The following SLC41A3 variants were observed in gnomAD, a reference collection of about 807,000 sequenced individuals.
The protein encoded by SLC41A3 is SLC41A1-like 2.
Under a neutral mutation model 45.4 loss-of-function variants are expected in SLC41A3, and 44 were observed. The ratio of observed to expected loss-of-function variants is 0.97; its 90% CI spans 0.76 to 1.25. The LOEUF is 1.25. Ranked by LOEUF, SLC41A3 falls within the 50% of genes most tolerant of loss-of-function variation. The pLI, the probability that SLC41A3 is intolerant of heterozygous loss-of-function variation, is 0.00. For missense variants in SLC41A3, 550 were observed against 600.6 expected, an observed-to-expected ratio of 0.92 and a Z score of 0.88; for synonymous variants, 256 against 252.4, an observed-to-expected ratio of 1.01 and a Z score of -0.13.
rs149274116 is a variant in SLC41A3 at position 126,070,568 on chromosome 3, G to A, written c.-27-2322C>T. Among the ~76,000 whole-genome samples, 13 of 152,308 alleles carry A rather than the reference G, an allele frequency of 8.5e-5. No individual in the cohort carries two copies. The East Asian group carries it at 2.5e-3, about 29-fold the overall frequency. ...AACAGCTCATTTTTCATCAGAAATA[G>A]AAGCCAGAAGGCAACAGGATGGCAT... On this transcript the variant is annotated intron_variant, in intron 1 of 10. Transcript: ENST00000360370.
At chr3:126,038,235 CCACA>C (rs1215298846) in intron 3 of SLC41A3, among the ~76,000 whole-genome samples, 5 of 152,224 alleles carry the variant, frequency 3.3e-5, no homozygotes, top group Non-Finnish European at 7.3e-5. Flanking sequence ...GGGTTAGAGG[CCACA>C]CAAAGCCCCC....
In SLC41A3 at chr3:126,073,654, T is replaced by G. The variant is rs1237534986; in HGVS notation, c.-27-5408A>C. ...TGTACAAATTCCTAGAAACACAAAC[T>G]AGTAATACTGACTCGTGAAGAAATA... On this transcript the variant is annotated intron_variant, in intron 1 of 10. Transcript: ENST00000360370. Among the ~76,000 whole-genome samples the G allele has an allele frequency of 3.3e-5, 5 of 152,102 alleles. No individual in the cohort carries two copies. The East Asian group carries it at 9.7e-4, about 29-fold the overall frequency.
At chr3:126,016,930 G>T in intron 6 of SLC41A3, 55 bp from the exon 7 acceptor site, 1 of 1,590,366 alleles carries the variant, frequency 6.3e-7, no homozygotes. Flanking sequence ...AGCACACACA[G>T]GCTGGGCCTG....
intron 1 of SLC41A3, among the ~76,000 whole-genome samples, chr3:126,083,017 G>A (rs1237262386): frequency 6.6e-6 from 1 of 152,336 alleles, no homozygotes; most frequent in South Asian, 2.1e-4. Context: ...TAAACTTTCT[G>A]TACCTCTGTT....
chr3:126,080,528 T>A (rs1240463801), intron 1 of SLC41A3, among the ~76,000 whole-genome samples: 1 of 152,216 alleles, frequency 6.6e-6, no homozygotes, highest in Non-Finnish European at 1.5e-5. Context: ...CCATTTTAAA[T>A]GGCTTTTATA....
chr3:126,082,542 C>T (rs111891095), intron 1 of SLC41A3, among the ~76,000 whole-genome samples: 157 of 152,336 alleles, frequency 1.0e-3, no homozygotes, highest in African/African-American at 3.6e-3. Flanking sequence ...CACCTGGGGC[C>T]ACAGTTCAGA....
chr3:126,068,204 T>A lies in SLC41A3; in HGVS notation c.16A>T (p.Thr6Ser). The A allele has an allele frequency of 1.3e-6, 2 of 1,545,972 alleles. No individual in the cohort carries two copies. Among genetic ancestry groups the A allele is most frequent in the South Asian group, 2.5e-5 (2 of 79,920 alleles). ...CAGCTGTCCAGCCTCCGCTGCCGGG[T>A]CTCTGTCCCATCCATCTGGGCACAG... is the stretch of plus-strand genomic sequence containing the variant. MDGTETRQRRLDSCGK... is the reference protein window; with the variant it reads MDGTESRQRRLDSCGK... Residue 6 changes from threonine (T) to serine (S), a missense_variant, in exon 2 of 11, where the codon ACC becomes TCC. Thr to Ser is a moderately conservative substitution (Grantham distance 58). Transcript: ENST00000360370.
At chr3:126,094,681 T>C (rs575844653) in intron 1 of SLC41A3, among the ~76,000 whole-genome samples, 3 of 152,372 alleles carry the variant, frequency 2.0e-5, no homozygotes, top group Admixed American at 2.0e-4. Flanking sequence ...TTATAATTCC[T>C]GCAGTAAACA....
chr3:126,048,690 G>A (rs949537707), intron 3 of SLC41A3, among the ~76,000 whole-genome samples: 8 of 152,058 alleles, frequency 5.3e-5, no homozygotes, highest in Non-Finnish European at 8.8e-5. Flanking sequence ...AGTCACATAC[G>A]GGAGTTGAAG....
chr3:126,063,904 C>G (rs764985582), intron 2 of SLC41A3, among the ~76,000 whole-genome samples: 5 of 145,708 alleles, frequency 3.4e-5, no homozygotes, highest in Non-Finnish European at 7.4e-5. Flanking sequence ...AGGTGACCTC[C>G]ACTGGGTGTC....
At position 126,027,702 on chromosome 3, in the gene SLC41A3, G is replaced by A. The variant is rs532653674; in HGVS notation, c.454-1223C>T. Among the ~76,000 whole-genome samples, 20 of 152,304 alleles carry A rather than the reference G, an allele frequency of 1.3e-4. 1 individual carries two copies. In the South Asian group the frequency reaches 3.1e-3, roughly 24 times the overall value. ...AGACAGGAAGATAAGGGAATGTTTG[G>A]AACTTCCTCAAGACTTGTTAAATGT... On this transcript the variant is annotated intron_variant, in intron 4 of 10. Coordinates refer to ENST00000360370, the MANE Select transcript of SLC41A3 (RefSeq NM_017836.4).
chr3:126,099,061 CTGGCCAAATTTTA>C (rs577778373), intron 1 of SLC41A3, among the ~76,000 whole-genome samples: 1 of 151,836 alleles, frequency 6.6e-6, no homozygotes, highest in Non-Finnish European at 1.5e-5. Flanking sequence ...GCCACTGTGC[CTGGCCAAATTTTA>C]TGTTAAGTAT....
At chr3:126,084,232 C>T (rs1369055542), upstream of SLC41A3, 7 of 152,126 alleles carry the variant, frequency 4.6e-5, no homozygotes, top group East Asian at 1.4e-3. Context: ...CGACTTGGCG[C>T]TCCGGGACAG....
rs975649952 is a variant in SLC41A3 at position 126,042,769 on chromosome 3, C to A, written c.381+8174G>T. 3.3e-5 allele frequency among the ~76,000 whole-genome samples: 5 copies of A among 152,114 alleles called. No homozygotes were observed. The South Asian group carries it at 8.3e-4, about 25-fold the overall frequency. ...AACACAATAATTGAATTGAAAAATTCTTTACAGAGGTTCAACAGCAAACTC... is the reference window on the plus strand; with the variant it reads ...AACACAATAATTGAATTGAAAAATTATTTACAGAGGTTCAACAGCAAACTC... On this transcript the variant is annotated intron_variant, in intron 3 of 10. Transcript: ENST00000360370.
intron 3 of SLC41A3, among the ~76,000 whole-genome samples, chr3:126,049,959 C>G (rs189210985): frequency 6.6e-6 from 1 of 152,304 alleles, no homozygotes; most frequent in East Asian, 1.9e-4. Context: ...CTCTCTTATG[C>G]TGCTTCCACT....
chr3:126,093,143 T>C (rs1576388521), intron 1 of SLC41A3, among the ~76,000 whole-genome samples: 2 of 152,164 alleles, frequency 1.3e-5, no homozygotes, highest in Admixed American at 1.3e-4. Context: ...AACAGGGAAA[T>C]ATAGCTACAT....
At position 126,022,927 on chromosome 3, in the gene SLC41A3, G is replaced by GC; in HGVS notation, c.603dup (p.Leu202AlafsTer40). On this transcript the variant is annotated frameshift_variant, in exon 6 of 11. Transcript: ENST00000360370. LOFTEE classifies it high-confidence loss of function. ...GCACCAATCACTATACAGACCATCAGCACCCCTGCAGAGAGAGAGAGGAGA... is the reference window on the plus strand; with the variant it reads ...GCACCAATCACTATACAGACCATCAGCCACCCCTGCAGAGAGAGAGAGGAGA... The GC allele has an allele frequency of 6.2e-7, 1 of 1,614,146 alleles. No individual in the cohort carries two copies. Among genetic ancestry groups the GC allele is most frequent in the East Asian group, 2.2e-5 (1 of 44,884 alleles).
At chr3:126,088,458 C>G (rs191774360), upstream of SLC41A3, among the ~76,000 whole-genome samples, 1 of 151,950 alleles carries the variant, frequency 6.6e-6, no homozygotes, top group Non-Finnish European at 1.5e-5. Flanking sequence ...TTTTGAATTA[C>G]TAAAAGTTAA....
At chr3:126,079,276 A>G (rs1945034756) in intron 1 of SLC41A3, among the ~76,000 whole-genome samples, 2 of 112,390 alleles carry the variant, frequency 1.8e-5, no homozygotes, top group Non-Finnish European at 3.8e-5. Flanking sequence ...CTTAAGGGTA[A>G]GGGACACACA....
Sources: allele counts gnomAD v4.1 joint callset (sites outside exome capture counted in the v4.1 genomes callset), GRCh38; gene constraint gnomAD v4.1.1; transcripts MANE v1.5; gene names NCBI Gene and HGNC (gene_info 2026-07-23, HGNC 2026-07-21).